MICU3: variants seen among roughly 807,000 people sequenced by gnomAD.
MICU3 encodes the protein calcium uptake protein 3, mitochondrial.
A neutral mutation model predicts 66.5 loss-of-function variants in MICU3; 62 were observed. That is an observed-to-expected ratio of 0.93 (90% confidence interval 0.76 to 1.15). The LOEUF (loss-of-function observed/expected upper bound fraction) is 1.15, where lower values mean the gene tolerates loss of function less well. Among genes scored for constraint, MICU3 ranks in the 50% most tolerant of loss-of-function variants. MICU3 has a pLI of 0.00. For missense variants in MICU3, 779 were observed against 664.4 expected (o/e 1.17, Z -1.90); for synonymous variants, 308 against 240.7 (o/e 1.28, Z -2.59).
intron 13 of MICU3, among the ~76,000 whole-genome samples, chr8:17,117,810 A>G (rs1467137745): frequency 1.3e-5 from 2 of 152,072 alleles, no homozygotes; most frequent in African/African-American, 4.8e-5. Flanking sequence ...GGGTTTTGCC[A>G]TGTTGGCCAA....
intron 1 of MICU3, among the ~76,000 whole-genome samples, chr8:17,042,883 C>G (rs1299852693): frequency 1.4e-5 from 2 of 147,604 alleles, no homozygotes; most frequent in Non-Finnish European, 1.5e-5. Flanking sequence ...CCCTTTTCCT[C>G]AAAGGGTTAT....
intron 1 of MICU3, among the ~76,000 whole-genome samples, chr8:17,038,834 TC>T (rs1813516867): frequency 6.6e-6 from 1 of 151,938 alleles, no homozygotes; most frequent in African/African-American, 2.4e-5. Context: ...TCGCCTGTAG[TC>T]CCAGCTGCTC....
rs370006980 is a variant in MICU3 at position 17,064,394 on chromosome 8, A to G, written c.535+157A>G. Among the ~76,000 whole-genome samples the G allele has an allele frequency of 2.2e-3, 329 of 152,250 alleles. 2 individuals carry two copies. Among genetic ancestry groups the G allele is most frequent in the African/African-American group, 7.2e-3 (301 of 41,546 alleles). ...GTGTTACAGACTGATATTTCTTACAAACTCTTACTCACATCTCTTCTCTTT... is the reference window on the plus strand; with the variant it reads ...GTGTTACAGACTGATATTTCTTACAGACTCTTACTCACATCTCTTCTCTTT... On this transcript the variant is annotated intron_variant, in intron 2 of 14. Coordinates refer to ENST00000318063, the MANE Select transcript of MICU3 (RefSeq NM_181723.3).
Position 17,077,810 on chromosome 8 carries a change from C to A in MICU3, c.595C>A (p.Pro199Thr). 6.2e-7 allele frequency: 1 copy of A among 1,611,514 alleles called. No individual in the cohort carries two copies. The highest frequency in any genetic ancestry group is 8.5e-7 in the Non-Finnish European group (1 of 1,178,438). ...ATTAAATCAAATGCTCGCAGAAACACCACCAGTTTGGAAAGGCTCATCGAA... is the reference window on the plus strand; with the variant it reads ...ATTAAATCAAATGCTCGCAGAAACAACACCAGTTTGGAAAGGCTCATCGAA... ...QELNQMLAET[P>T]PVWKGSSKLF... is the part of the protein sequence containing the mutation. Residue 199 changes from proline (P) to threonine (T), a missense_variant, in exon 4 of 15, where the codon CCA (proline) becomes ACA (threonine). By Grantham distance (38) the Pro-to-Thr change is conservative. Coordinates refer to ENST00000318063, the MANE Select transcript of MICU3 (RefSeq NM_181723.3).
the MICU3 span, among the ~76,000 whole-genome samples, chr8:17,135,347 G>C: frequency 2.0e-5 from 3 of 151,642 alleles, no homozygotes; most frequent in Non-Finnish European, 4.4e-5. Context: ...GTAGTGAGCT[G>C]AGATTGCGCC....
intron 1 of MICU3, among the ~76,000 whole-genome samples, chr8:17,050,404 TACC>T (rs1397855672): frequency 3.3e-5 from 5 of 152,056 alleles, no homozygotes; most frequent in South Asian, 4.1e-4. Flanking sequence ...CTGTAAAATA[TACC>T]ACTTTATTAA....
the MICU3 span, among the ~76,000 whole-genome samples, chr8:17,130,193 T>C: frequency 1.3e-5 from 2 of 152,150 alleles, no homozygotes; most frequent in Non-Finnish European, 2.9e-5. Context: ...ATGATAAATG[T>C]TTAGTAAAAT....
At chr8:17,120,231 C>T (rs1167569383) in intron 14 of MICU3, 57 bp from the exon 15 acceptor site, 1 of 151,784 alleles carries the variant, frequency 6.6e-6, no homozygotes, top group African/African-American at 2.4e-5. Flanking sequence ...AACACTATCA[C>T]CTCAGAATTA....
chr8:17,059,174 T>G (rs565601948), intron 1 of MICU3, among the ~76,000 whole-genome samples: 1 of 152,314 alleles, frequency 6.6e-6, no homozygotes, highest in Admixed American at 6.5e-5. Context: ...AGTTTTTGTT[T>G]GGGGATTCCT....
intron 14 of MICU3, among the ~76,000 whole-genome samples, chr8:17,119,886 C>G (rs182566004): frequency 9.9e-4 from 150 of 152,130 alleles, no homozygotes; most frequent in Middle Eastern, 3.4e-3. Context: ...GCTGAGTTAA[C>G]AAAAGAAGTC....
At chr8:17,101,128 G>C (rs943120033) in intron 9 of MICU3, among the ~76,000 whole-genome samples, 1 of 151,698 alleles carries the variant, frequency 6.6e-6, no homozygotes, top group African/African-American at 2.4e-5. Context: ...TATATTTCAT[G>C]CAAGTTTATT....
chr8:17,077,994 A>G (rs572404701), intron 4 of MICU3, 133 bp downstream of exon 4: 2 of 449,302 alleles, frequency 4.5e-6, no homozygotes, highest in South Asian at 1.1e-4. Flanking sequence ...ACTGAAGAAG[A>G]AAACAGCAAA....
intron 1 of MICU3, among the ~76,000 whole-genome samples, chr8:17,063,331 G>A (rs1818162987): frequency 6.6e-6 from 1 of 151,814 alleles, no homozygotes; most frequent in Non-Finnish European, 1.5e-5. Context: ...CCACTTTTTT[G>A]CCAAAAAGAA....
chr8:17,101,420 A>T (rs1209433710), intron 9 of MICU3, among the ~76,000 whole-genome samples: 1 of 151,768 alleles, frequency 6.6e-6, no homozygotes, highest in Non-Finnish European at 1.5e-5. Flanking sequence ...ATGGGGGAAA[A>T]GTTTTCCCCA....
At chr8:17,088,550 G>T (rs972796226) in intron 7 of MICU3, among the ~76,000 whole-genome samples, 1 of 151,796 alleles carries the variant, frequency 6.6e-6, no homozygotes, top group Non-Finnish European at 1.5e-5. Context: ...ATTTAAGGAG[G>T]CTGAATAATG....
At chr8:17,058,624 C>T (rs1817351888) in intron 1 of MICU3, among the ~76,000 whole-genome samples, 1 of 152,072 alleles carries the variant, frequency 6.6e-6, no homozygotes, top group African/African-American at 2.4e-5. Context: ...AAGCAAAGCT[C>T]AATCTCTGAA....
At chr8:17,083,085 A>C (rs1166559176) in intron 5 of MICU3, among the ~76,000 whole-genome samples, 2 of 151,972 alleles carry the variant, frequency 1.3e-5, no homozygotes, top group Non-Finnish European at 2.9e-5. Context: ...GTTCTTAAGG[A>C]TAATTTGGTG....
the MICU3 span, among the ~76,000 whole-genome samples, chr8:17,138,024 A>C: frequency 6.6e-6 from 1 of 151,872 alleles, no homozygotes; most frequent in Non-Finnish European, 1.5e-5. Context: ...CAAGAGTAAT[A>C]TTTTCTATTA....
chr8:17,064,938 G>A (rs1818455173), intron 2 of MICU3, among the ~76,000 whole-genome samples: 1 of 152,118 alleles, frequency 6.6e-6, no homozygotes, highest in African/African-American at 2.4e-5. Context: ...AGTCTCTATA[G>A]ATGGTGGTAA....
Sources: allele counts gnomAD v4.1 joint callset (sites outside exome capture counted in the v4.1 genomes callset), GRCh38; gene constraint gnomAD v4.1.1; transcripts MANE v1.5; gene names NCBI Gene and HGNC (gene_info 2026-07-23, HGNC 2026-07-21).